SHTN1: variants seen among roughly 807,000 people sequenced by gnomAD.
SHTN1 encodes shootin-1.
A neutral mutation model predicts 83.1 loss-of-function variants in SHTN1; 42 were observed. The observed-to-expected ratio is 0.51, with a 90% confidence interval of 0.39 to 0.65. The LOEUF (loss-of-function observed/expected upper bound fraction) is 0.65. Among genes scored for constraint, SHTN1 ranks in the 30% least tolerant of loss-of-function variants. The pLI is 0.00. For synonymous variants in SHTN1, 224 were observed against 247.7 expected (o/e 0.90, Z 0.90); for missense variants, 622 against 737.8 (o/e 0.84, Z 1.82).
chr10:117,095,429 G>C (rs1264117128), intron 1 of SHTN1, among the ~76,000 whole-genome samples: 2 of 152,132 alleles, frequency 1.3e-5, no homozygotes, highest in African/African-American at 2.4e-5. Flanking sequence ...TAAAACCCAG[G>C]GGGGAAACCA....
At chr10:116,985,997 G>A (rs984960811) in intron 1 of SHTN1, among the ~76,000 whole-genome samples, 9 of 152,130 alleles carry the variant, frequency 5.9e-5, no homozygotes, top group Admixed American at 5.2e-4. Flanking sequence ...ATCCTGAAAA[G>A]AAATTACGGC....
chr10:117,073,763 C>T, intron 1 of SHTN1, among the ~76,000 whole-genome samples: 1 of 152,140 alleles, frequency 6.6e-6, no homozygotes, highest in East Asian at 1.9e-4. Context: ...TTTGTGTCCC[C>T]TAATTCTGTC....
At chr10:116,950,973 A>G (rs1312989076) in intron 6 of SHTN1, among the ~76,000 whole-genome samples, 1 of 152,210 alleles carries the variant, frequency 6.6e-6, no homozygotes, top group Non-Finnish European at 1.5e-5. Flanking sequence ...TCACTTTATC[A>G]AGCTGCAGTT....
chr10:117,083,788 ATTCAT>A (rs1853307792), intron 1 of SHTN1, among the ~76,000 whole-genome samples: 2 of 151,724 alleles, frequency 1.3e-5, no homozygotes, highest in Admixed American at 6.6e-5. Flanking sequence ...CATTCATTTC[ATTCAT>A]TTCATCTTCC....
intron 1 of SHTN1, among the ~76,000 whole-genome samples, chr10:116,990,584 G>A (rs1474425413): frequency 6.6e-6 from 1 of 152,014 alleles, no homozygotes; most frequent in African/African-American, 2.4e-5. Flanking sequence ...TTAGGCTGTC[G>A]TTGGAAGAAA....
intron 1 of SHTN1, among the ~76,000 whole-genome samples, chr10:117,102,666 T>TTTA (rs751935837): frequency 2.0e-5 from 3 of 151,952 alleles, no homozygotes; most frequent in Non-Finnish European, 4.4e-5. Flanking sequence ...TTCAGTTCCT[T>TTTA]TCTTAAGAGT....
rs187945133 is a variant in SHTN1, at chr10:117,118,425, G to C, written c.-189+7882C>G. On this transcript the variant is annotated intron_variant, in intron 1 of 17. Coordinates refer to the SHTN1 transcript ENST00000392901. Reference sequence around the variant, plus strand: ...GGATGCTGGTGAGGATTTGGAGAAAGGGGAACTCTCATACACAGGGATGGG... The same window carrying C: ...GGATGCTGGTGAGGATTTGGAGAAACGGGAACTCTCATACACAGGGATGGG... Among the ~76,000 whole-genome samples the C allele has an allele frequency of 7.0e-3, 1,046 of 149,128 alleles. 11 individuals are homozygous for C. The highest frequency in any genetic ancestry group is 0.012 in the Non-Finnish European group (788 of 67,644).
At chr10:117,069,755 T>C (rs74159036) in intron 1 of SHTN1, among the ~76,000 whole-genome samples, 1 of 152,182 alleles carries the variant, frequency 6.6e-6, no homozygotes, top group Non-Finnish European at 1.5e-5. Context: ...AAACAGCTAG[T>C]GAGTATAATC....
intron 1 of SHTN1, among the ~76,000 whole-genome samples, chr10:116,998,539 T>G (rs1851713693): frequency 6.6e-6 from 1 of 152,198 alleles, no homozygotes; most frequent in African/African-American, 2.4e-5. Context: ...AAATTAAACT[T>G]TATCACAGAT....
chr10:116,893,005 G>A (rs1340718065), intron 16 of SHTN1, among the ~76,000 whole-genome samples: 2 of 152,156 alleles, frequency 1.3e-5, no homozygotes, highest in Non-Finnish European at 2.9e-5. Context: ...AATGTTAGAA[G>A]GCAATTAATT....
At chr10:116,943,226 C>T (rs934602495) in intron 8 of SHTN1, among the ~76,000 whole-genome samples, 6 of 152,210 alleles carry the variant, frequency 3.9e-5, no homozygotes, top group Admixed American at 2.6e-4. Flanking sequence ...ACCAGGTGAA[C>T]AGCAGAGTCA....
chr10:117,026,043 C>T (rs1156711844), intron 2 of SHTN1, among the ~76,000 whole-genome samples: 1 of 152,004 alleles, frequency 6.6e-6, no homozygotes, highest in Non-Finnish European at 1.5e-5. Flanking sequence ...AGAGGGAAAA[C>T]TTAAGGGGAC....
intron 1 of SHTN1, among the ~76,000 whole-genome samples, chr10:117,110,332 ATTG>A (rs1296590014): frequency 1.3e-5 from 2 of 151,990 alleles, no homozygotes; most frequent in African/African-American, 2.4e-5. Context: ...TTCAACTTGA[ATTG>A]TTTTGTTTTG....
Position 116,988,533 on chromosome 10 carries a change from TATTA to T in SHTN1, c.59-9229_59-9226del, listed in dbSNP as rs1388095246. 3.4e-5 allele frequency among the ~76,000 whole-genome samples: 5 copies of T among 148,896 alleles called. No homozygotes were observed. The Admixed American group carries it at 3.4e-4, about 10-fold the overall frequency. On this transcript the variant is annotated intron_variant, in intron 1 of 16. Coordinates refer to ENST00000355371, the MANE Select transcript of SHTN1 (RefSeq NM_001127211.3). The stretch of plus-strand genomic sequence containing the variant: ...TATATTTTATCTTATTTTACTTATA[TATTA>T]TTTATTTATTTATTTATTTTATTAT...
In SHTN1 at chr10:116,954,036, T is replaced by C. The variant is rs758581992; in HGVS notation, c.436+6A>G. 6.2e-7 allele frequency: 1 copy of C among 1,601,876 alleles called. No individual in the cohort carries two copies. Among genetic ancestry groups the C allele is most frequent in the East Asian group, 2.2e-5 (1 of 44,572 alleles). ...ATATGCTCAATAATTAAGCAAAGAG[T>C]TCTACCTTTAATTTGCTTCTGACAC... On this transcript the variant is annotated splice_donor_region_variant and intron_variant, in intron 5 of 16. Transcript: ENST00000355371.
rs758259350 is a variant in SHTN1 at position 116,906,704 on chromosome 10, A to G, written c.1403T>C (p.Leu468Pro). ...CTCAGTTTCACTGTTTTCAGGGTCA[A>G]GGGATTTTAAGCTTCTTGAACTAGT... is the stretch of plus-strand genomic sequence containing the variant. ...KSTSSRSLKS[L>P]DPENSETELE... The change falls in exon 15 of 17, where the codon CTT becomes CCT. Residue 468 changes from leucine to proline, a missense_variant. Physicochemically the swap from Leu to Pro is moderately conservative, Grantham distance 98. Transcript: ENST00000355371. The G allele has an allele frequency of 3.5e-5, 57 of 1,613,234 alleles. No homozygotes were observed. The Admixed American group carries it at 9.5e-4, about 27-fold the overall frequency.
intron 1 of SHTN1, among the ~76,000 whole-genome samples, chr10:116,983,514 T>G (rs1002464455): frequency 6.6e-6 from 1 of 152,134 alleles, no homozygotes; most frequent in Non-Finnish European, 1.5e-5. Context: ...CTGAGAGCTG[T>G]ACTTGTCAAT....
chr10:117,024,594 G>A (rs1036044450), intron 2 of SHTN1, among the ~76,000 whole-genome samples: 7 of 151,872 alleles, frequency 4.6e-5, no homozygotes, highest in Non-Finnish European at 7.4e-5. Flanking sequence ...TCCTGACCTC[G>A]TGATCCGCCC....
chr10:117,098,949 C>T (rs912428169), intron 1 of SHTN1, among the ~76,000 whole-genome samples: 5 of 146,594 alleles, frequency 3.4e-5, no homozygotes, highest in South Asian at 2.2e-4. Flanking sequence ...GTACTTAGTA[C>T]GGAAAAATTC....
Sources: allele counts gnomAD v4.1 joint callset (sites outside exome capture counted in the v4.1 genomes callset), GRCh38; gene constraint gnomAD v4.1.1; transcripts MANE v1.5; gene names NCBI Gene and HGNC (gene_info 2026-07-23, HGNC 2026-07-21).